Variants in PHF2 observed in about 807,000 individuals in gnomAD.
PHF2 encodes the protein lysine-specific demethylase PHF2.
In PHF2, 27 loss-of-function variants were observed where a neutral mutation model predicts 120.5. The observed-to-expected ratio is 0.22, with a 90% confidence interval of 0.17 to 0.31. The LOEUF is 0.31. PHF2 is among the 10% of genes least tolerant of loss of function. The probability of loss-of-function intolerance (pLI) is 1.00; values close to 1 mark genes in which losing one functional copy is unlikely to be tolerated. For missense variants in PHF2, 1,024 were observed against 1,434.8 expected (o/e 0.71, Z 4.63); for synonymous variants, 568 against 592.5 (o/e 0.96, Z 0.60).
At chr9:93,671,217 TAGTTGC>T in intron 17 of PHF2, 3 of 970,096 alleles carry the variant, frequency 3.1e-6, no homozygotes, top group Non-Finnish European at 2.4e-6. Flanking sequence ...GGCACAGGTG[TAGTTGC>T]AGGTGTGTGG....
intron 3 of PHF2, among the ~76,000 whole-genome samples, chr9:93,641,781 T>G (rs1826175476): frequency 6.6e-6 from 1 of 152,250 alleles, no homozygotes; most frequent in African/African-American, 2.4e-5. Flanking sequence ...GTTTTTAATT[T>G]TAGTGAAGTC....
intron 3 of PHF2, among the ~76,000 whole-genome samples, chr9:93,640,877 T>G (rs1205798312): frequency 6.6e-6 from 1 of 152,218 alleles, no homozygotes; most frequent in African/African-American, 2.4e-5. Flanking sequence ...GTGTTAAATT[T>G]GCTATAGCTC....
intron 19 of PHF2, 21 bp from the exon 20 acceptor site, chr9:93,675,659 G>C (rs773977401): frequency 1.3e-6 from 2 of 1,592,780 alleles, no homozygotes; most frequent in East Asian, 4.5e-5. Flanking sequence ...GCTTGAGGGG[G>C]CTGGCCCTTC....
intron 5 of PHF2, among the ~76,000 whole-genome samples, chr9:93,652,636 G>A (rs533597979): frequency 6.6e-6 from 1 of 152,312 alleles, no homozygotes; most frequent in South Asian, 2.1e-4. Flanking sequence ...ATCCAGGACA[G>A]TGACATGTCA....
At chr9:93,609,280 A>G (rs1825595847) in intron 1 of PHF2, among the ~76,000 whole-genome samples, 1 of 151,966 alleles carries the variant, frequency 6.6e-6, no homozygotes, top group East Asian at 1.9e-4. Context: ...CATTGTTGCT[A>G]TTATTATTGG....
chr9:93,662,942 T>C lies in PHF2; in HGVS notation c.1734T>C (p.Asp578=). ...GTGTCCTGAGTGTGCCCAACAAAGA[T>C]GTGGTTCACATGCAGAATGATGTGG... ...TKSVLSVPNK[D]VVHMQNDVER... The change falls in exon 13 of 22, where the codon GAT becomes GAC. Residue 578 remains aspartate (D), a synonymous_variant. Coordinates refer to ENST00000359246, the MANE Select transcript of PHF2 (RefSeq NM_005392.4). 6.2e-7 allele frequency: 1 copy of C among 1,614,016 alleles called. No individual in the cohort carries two copies. The highest frequency in any genetic ancestry group is 8.5e-7 in the Non-Finnish European group (1 of 1,179,966).
At chr9:93,651,429 TG>T (rs1826368500) in intron 5 of PHF2, among the ~76,000 whole-genome samples, 4 of 152,188 alleles carry the variant, frequency 2.6e-5, no homozygotes, top group African/African-American at 9.7e-5. Flanking sequence ...TTGCAACTTT[TG>T]TTGGGCACTT....
chr9:93,668,674 G>C (rs993214199), intron 17 of PHF2, among the ~76,000 whole-genome samples: 2 of 152,138 alleles, frequency 1.3e-5, no homozygotes, highest in Admixed American at 1.3e-4. Context: ...TGTGTCCTGG[G>C]CTCCCCGCTG....
At chr9:93,610,833 G>A (rs1825621675) in intron 1 of PHF2, among the ~76,000 whole-genome samples, 1 of 152,158 alleles carries the variant, frequency 6.6e-6, no homozygotes, top group Admixed American at 6.5e-5. Flanking sequence ...TCCCTAGGAT[G>A]GTCTTAGAGA....
At chr9:93,675,224 C>T (rs545664228) in intron 19 of PHF2, among the ~76,000 whole-genome samples, 1 of 152,312 alleles carries the variant, frequency 6.6e-6, no homozygotes, top group African/African-American at 2.4e-5. Flanking sequence ...CTTCTGGGGG[C>T]CTGGGAGCCC....
At chr9:93,668,643 C>T (rs1222802927) in intron 17 of PHF2, among the ~76,000 whole-genome samples, 1 of 152,110 alleles carries the variant, frequency 6.6e-6, no homozygotes, top group Non-Finnish European at 1.5e-5. Context: ...GGGTTTTGTG[C>T]TCAGGTCTGT....
At chr9:93,639,687 A>G (rs1363514884) in intron 3 of PHF2, among the ~76,000 whole-genome samples, 4 of 152,166 alleles carry the variant, frequency 2.6e-5, no homozygotes, top group African/African-American at 9.7e-5. Context: ...GGAGAGCTTC[A>G]GTTTCACTAG....
intron 1 of PHF2, among the ~76,000 whole-genome samples, chr9:93,618,414 C>T (rs1299430289): frequency 2.0e-5 from 3 of 152,226 alleles, no homozygotes; most frequent in Non-Finnish European, 4.4e-5. Flanking sequence ...TGGCAATGTA[C>T]GTCTGCCTGC....
chr9:93,638,391 A>G (rs892638203), intron 3 of PHF2, among the ~76,000 whole-genome samples: 1 of 152,218 alleles, frequency 6.6e-6, no homozygotes, highest in African/African-American at 2.4e-5. Context: ...TTTTCTTCTA[A>G]GAGTTTTGTA....
chr9:93,642,249 A>C (rs1257807256), intron 3 of PHF2, among the ~76,000 whole-genome samples: 1 of 152,244 alleles, frequency 6.6e-6, no homozygotes, highest in Non-Finnish European at 1.5e-5. Context: ...TGTTTTGGTC[A>C]TCTGAGTGCT....
At chr9:93,666,297 CG>C (rs1826679794) in intron 16 of PHF2, among the ~76,000 whole-genome samples, 1 of 152,114 alleles carries the variant, frequency 6.6e-6, no homozygotes, top group African/African-American at 2.4e-5. Flanking sequence ...AGCCTCCTGC[CG>C]GGGGAGGTTA....
chr9:93,590,921 C>T (rs1215632224), intron 1 of PHF2, among the ~76,000 whole-genome samples: 1 of 152,232 alleles, frequency 6.6e-6, no homozygotes, highest in Non-Finnish European at 1.5e-5. Context: ...ATTTGTGTTC[C>T]TTTGAGGGGC....
intron 9 of PHF2, among the ~76,000 whole-genome samples, chr9:93,657,351 C>T (rs188854805): frequency 9.2e-5 from 14 of 152,276 alleles, no homozygotes; most frequent in Non-Finnish European, 1.6e-4. Context: ...GGCCAGGTTG[C>T]GGTAAGATTT....
Position 93,677,809 on chromosome 9 carries a change from C to G in PHF2, c.*133C>G. On this transcript the variant is annotated 3_prime_UTR_variant, in exon 22 of 22. Coordinates refer to ENST00000359246, the MANE Select transcript of PHF2 (RefSeq NM_005392.4). The surrounding 1 kb of genome is among the most constrained non-coding windows in gnomAD (Gnocchi z 4.4). ...CTCTTCCCGGCTGCCATCTCCCCAA[C>G]AAGCGTCTGTCCCTTCAGCCGGCAG... 1 of 660,178 alleles carries G rather than the reference C, an allele frequency of 1.5e-6. No homozygotes were observed. The highest frequency in any genetic ancestry group is 2.7e-6 in the Non-Finnish European group (1 of 371,054). The allele number at this position is 660,178 out of a possible 1,614,324, so 40.9% of individuals were successfully genotyped here.
Sources: gnomAD v4.1 joint callset for allele counts (sites outside exome capture counted in the v4.1 genomes callset) on GRCh38, gnomAD v4.1.1 for gene constraint, Gnocchi (gnomAD v3.1) non-coding constraint, MANE v1.5 for transcripts, NCBI Gene and HGNC (gene_info 2026-07-23, HGNC 2026-07-21) for gene names.